Variants in ZDHHC20 observed in about 807,000 individuals in gnomAD.
ZDHHC20 encodes zDHHC palmitoyltransferase 20.
Under a neutral mutation model 57.8 loss-of-function variants are expected in ZDHHC20, and 43 were observed. That is an observed-to-expected ratio of 0.74 (90% CI 0.58 to 0.96). The LOEUF is 0.96. Ranked by LOEUF, ZDHHC20 falls within the 40% of genes least tolerant of loss-of-function variation. ZDHHC20 has a pLI of 0.00. For missense variants in ZDHHC20, 391 were observed against 441.1 expected (o/e 0.89, Z 1.02); for synonymous variants, 157 against 153.0 (o/e 1.03, Z -0.19).
chr13:21,439,477 A>G lies in ZDHHC20; in HGVS notation c.119-13799T>C, dbSNP rs149617448. 9.3e-3 allele frequency among the ~76,000 whole-genome samples: 1,409 copies of G among 152,042 alleles called. 12 individuals are homozygous for G. The highest frequency in any genetic ancestry group is 0.014 in the Non-Finnish European group (976 of 67,948). ...AACACACCACTGCACTCCAGCCTGCACTCTGCACTGCAACAGAGTGATGAC... is the reference window on the plus strand; with the variant it reads ...AACACACCACTGCACTCCAGCCTGCGCTCTGCACTGCAACAGAGTGATGAC... On this transcript the variant is annotated intron_variant, in intron 1 of 12. Coordinates refer to ENST00000400590, the MANE Select transcript of ZDHHC20 (RefSeq NM_001330059.2).
intron 9 of ZDHHC20, among the ~76,000 whole-genome samples, chr13:21,386,559 T>G (rs1402482722): frequency 2.6e-5 from 4 of 152,200 alleles, no homozygotes; most frequent in Non-Finnish European, 5.9e-5. Flanking sequence ...ATTTTTTGTT[T>G]TGTTTTTGAG....
intron 7 of ZDHHC20, among the ~76,000 whole-genome samples, chr13:21,396,840 A>AG (rs1380922597): frequency 2.4e-5 from 3 of 125,468 alleles, no homozygotes; most frequent in African/African-American, 5.8e-5. Context: ...CTCAAAAAAA[A>AG]AAAAAGAAAG....
At chr13:21,455,198 T>C (rs1277474945) in intron 1 of ZDHHC20, among the ~76,000 whole-genome samples, 1 of 152,176 alleles carries the variant, frequency 6.6e-6, no homozygotes. Context: ...GGATTACAGG[T>C]GTGAGCCACC....
chr13:21,373,948 T>G lies in ZDHHC20; in HGVS notation c.*2748A>C, dbSNP rs1465999796. The G allele has an allele frequency of 6.6e-6, 1 of 152,298 alleles. No homozygotes were observed. Among genetic ancestry groups the G allele is most frequent in the African/African-American group, 2.4e-5 (1 of 41,452 alleles). 9.4% of individuals were successfully genotyped at this position (152,298 alleles called of 1,614,324 possible). ...AGATAAGTAATTCAAAGGCTTTAAC[T>G]GAAAATTTCTGAAAAGATGTTTGCT... On this transcript the variant is annotated 3_prime_UTR_variant, in exon 13 of 13. Coordinates refer to ENST00000400590, the MANE Select transcript of ZDHHC20 (RefSeq NM_001330059.2).
chr13:21,420,072 A>C (rs997621926), intron 3 of ZDHHC20, among the ~76,000 whole-genome samples: 2 of 152,166 alleles, frequency 1.3e-5, no homozygotes, highest in Non-Finnish European at 2.9e-5. Context: ...GGATCACCCG[A>C]GGCCAGGAGT....
chr13:21,433,756 G>A lies in ZDHHC20; in HGVS notation c.119-8078C>T, dbSNP rs370334242. ...ACAGATCAACTTGGGGAGAAGTAAT[G>A]TCTTTGAAATATTGTCTTACAGCCC... On this transcript the variant is annotated intron_variant, in intron 1 of 12. Coordinates refer to ENST00000400590, the MANE Select transcript of ZDHHC20 (RefSeq NM_001330059.2). Among the ~76,000 whole-genome samples, 3 of 152,336 alleles carry A rather than the reference G, an allele frequency of 2.0e-5. No individual in the cohort carries two copies. In the East Asian group the frequency reaches 5.8e-4, roughly 29 times the overall value.
chr13:21,375,808 C>G lies in ZDHHC20; in HGVS notation c.*888G>C, dbSNP rs1035359807. The G allele has an allele frequency of 1.3e-5, 2 of 152,138 alleles. No homozygotes were observed. Among genetic ancestry groups the G allele is most frequent in the African/African-American group, 4.8e-5 (2 of 41,420 alleles). The allele number at this position is 152,138 out of a possible 1,614,324, so 9.4% of individuals were successfully genotyped here. A position where few individuals can be genotyped will look rare whatever the true frequency, so the allele number is the denominator to read the frequency against. On this transcript the variant is annotated 3_prime_UTR_variant, in exon 13 of 13. Coordinates refer to ENST00000400590, the MANE Select transcript of ZDHHC20 (RefSeq NM_001330059.2). ...TAAAACTCAAAACTATTTTTTTTAA[C>G]AAATTACAATATTCCTCTTAGATTT... is the stretch of plus-strand genomic sequence containing the variant.
At chr13:21,381,654 G>T (rs1262495728) in intron 10 of ZDHHC20, 105 bp from the exon 11 acceptor site, 2 of 755,690 alleles carry the variant, frequency 2.6e-6, no homozygotes, top group Non-Finnish European at 4.4e-6. Context: ...AAATATGTGA[G>T]GGCAACTCAT....
intron 9 of ZDHHC20, among the ~76,000 whole-genome samples, chr13:21,386,518 C>T (rs1299419973): frequency 1.3e-5 from 2 of 152,074 alleles, no homozygotes; most frequent in Non-Finnish European, 2.9e-5. Context: ...AAAAATGCAA[C>T]CCAGAAGCAT....
intron 2 of ZDHHC20, among the ~76,000 whole-genome samples, chr13:21,422,552 T>C (rs1046737775): frequency 6.6e-6 from 1 of 152,146 alleles, no homozygotes; most frequent in African/African-American, 2.4e-5. Context: ...CTGAAATGAC[T>C]CCTTGTATCT....
chr13:21,406,745 T>C (rs893281907), intron 4 of ZDHHC20, among the ~76,000 whole-genome samples: 2 of 152,222 alleles, frequency 1.3e-5, no homozygotes, highest in African/African-American at 4.8e-5. Flanking sequence ...TAGTATTCCA[T>C]GGTGTATATA....
chr13:21,422,079 A>G (rs1190984943), intron 2 of ZDHHC20, among the ~76,000 whole-genome samples: 1 of 152,114 alleles, frequency 6.6e-6, no homozygotes. Context: ...AATACATGCA[A>G]AACACTTAGA....
chr13:21,415,248 C>T (rs961667134), intron 3 of ZDHHC20, among the ~76,000 whole-genome samples: 4 of 152,140 alleles, frequency 2.6e-5, no homozygotes, highest in South Asian at 2.1e-4. Flanking sequence ...CAGTAAAATA[C>T]GGGTCTTCTG....
chr13:21,413,895 T>A (rs1407251750), intron 3 of ZDHHC20, 123 bp from the exon 4 acceptor site: 2 of 754,236 alleles, frequency 2.7e-6, no homozygotes, highest in African/African-American at 3.7e-5. Context: ...AAACTTGTCT[T>A]CAAAAAAAAG....
chr13:21,447,138 T>C (rs1883792874), intron 1 of ZDHHC20, among the ~76,000 whole-genome samples: 2 of 151,776 alleles, frequency 1.3e-5, no homozygotes, highest in South Asian at 2.1e-4. Context: ...TAGGTGATAA[T>C]GTGGCATTAA....
At chr13:21,394,814 A>C (rs1876478328) in intron 7 of ZDHHC20, among the ~76,000 whole-genome samples, 1 of 152,214 alleles carries the variant, frequency 6.6e-6, no homozygotes, top group Admixed American at 6.5e-5. Flanking sequence ...GCCAAAATTC[A>C]TGAGGCTGAC....
chr13:21,404,315 CCTTT>C lies in ZDHHC20; in HGVS notation c.371-1453_371-1450del, dbSNP rs754174558. ...TTCCCCTGTCCAGCTCATTGGAGCT[CCTTT>C]CTATTTTGTAGACTGCATGAGGCCT... On this transcript the variant is annotated intron_variant, in intron 4 of 12. Coordinates refer to ENST00000400590, the MANE Select transcript of ZDHHC20 (RefSeq NM_001330059.2). 17 of 502,842 alleles carry C rather than the reference CCTTT, an allele frequency of 3.4e-5. No homozygotes were observed. The East Asian group carries it at 4.4e-4, about 13-fold the overall frequency. 31.1% of individuals were successfully genotyped at this position (502,842 alleles called of 1,614,324 possible). A position where few individuals can be genotyped will look rare whatever the true frequency, so the allele number is the denominator to read the frequency against.
In ZDHHC20 at chr13:21,387,187, G is replaced by C. The variant is rs985543437; in HGVS notation, c.854+321C>G. ...TCATTTCTGTGATAGGATCTTTGAAGTTGTGGCTAATAACTATAAATTTTT... is the reference window on the plus strand; with the variant it reads ...TCATTTCTGTGATAGGATCTTTGAACTTGTGGCTAATAACTATAAATTTTT... On this transcript the variant is annotated intron_variant, in intron 9 of 12. Coordinates refer to ENST00000400590, the MANE Select transcript of ZDHHC20 (RefSeq NM_001330059.2). Among the ~76,000 whole-genome samples, 8 of 152,262 alleles carry C rather than the reference G, an allele frequency of 5.3e-5. No individual in the cohort carries two copies. In the South Asian group the frequency reaches 1.7e-3, roughly 32 times the overall value.
At chr13:21,421,238 T>C in intron 2 of ZDHHC20, 74 bp from the exon 3 acceptor site, 1 of 1,204,052 alleles carries the variant, frequency 8.3e-7, no homozygotes, top group Non-Finnish European at 1.2e-6. Flanking sequence ...TAAAACACAA[T>C]AATTGGGTCA....
Sources: gnomAD v4.1 joint callset for allele counts (sites outside exome capture counted in the v4.1 genomes callset) on GRCh38, gnomAD v4.1.1 for gene constraint, MANE v1.5 for transcripts, NCBI Gene and HGNC (gene_info 2026-07-23, HGNC 2026-07-21) for gene names.